The following MED12L variants were observed in gnomAD, a reference collection of about 807,000 sequenced individuals.
MED12L encodes mediator complex subunit 12L.
A neutral mutation model predicts 281.3 loss-of-function variants in MED12L; 60 were observed. The ratio of observed to expected loss-of-function variants is 0.21; its 90% CI spans 0.17 to 0.26. The LOEUF is 0.26. MED12L is among the 10% of genes least tolerant of loss of function. MED12L has a pLI of 1.00. For synonymous variants in MED12L, 974 were observed against 987.2 expected (o/e 0.99, Z 0.25); for missense variants, 2,146 against 2,680.9 (o/e 0.80, Z 4.41).
chr3:151,099,787 G>T (rs1721178317), intron 2 of MED12L, among the ~76,000 whole-genome samples: 2 of 152,138 alleles, frequency 1.3e-5, no homozygotes, highest in Admixed American at 1.3e-4. Context: ...GGTGAGGGAG[G>T]GGAGGAGAGA....
At chr3:151,323,655 A>G (rs1749248734) in intron 16 of MED12L, among the ~76,000 whole-genome samples, 2 of 152,160 alleles carry the variant, frequency 1.3e-5, no homozygotes, top group African/African-American at 4.8e-5. Context: ...TCCATGTGGA[A>G]TGAATTGCCT....
intron 16 of MED12L, among the ~76,000 whole-genome samples, chr3:151,220,830 C>T (rs954827470): frequency 6.6e-6 from 1 of 152,100 alleles, no homozygotes; most frequent in African/African-American, 2.4e-5. Flanking sequence ...AAATTGGTGC[C>T]AGTAGAGTGG....
rs568498781 is a variant in MED12L at position 151,430,343 on chromosome 3, G to A, written c.6453G>A (p.Thr2151=). ...GLQQTQQQQQ[T]AALVRQLQKQ... ...AGCAGACCCAGCAGCAGCAGCAGAC[G>A]GCCGCCTTGGTGCGGCAGCTCCAGA... is the stretch of plus-strand genomic sequence containing the variant. Residue 2151 remains threonine (T), a synonymous_variant, in exon 44 of 45, where the codon ACG becomes ACA. Coordinates refer to ENST00000687756, the MANE Select transcript of MED12L (RefSeq NM_001393769.1). 7.3e-5 allele frequency: 118 copies of A among 1,614,000 alleles called. 1 individual carries two copies. The South Asian group carries it at 1.1e-3, about 15-fold the overall frequency.
chr3:151,158,231 A>T (rs1719537959), intron 6 of MED12L, among the ~76,000 whole-genome samples: 2 of 152,204 alleles, frequency 1.3e-5, no homozygotes, highest in African/African-American at 4.8e-5. Context: ...AGGTGATAGT[A>T]TCTGAAACTA....
intron 5 of MED12L, among the ~76,000 whole-genome samples, chr3:151,145,014 C>A (rs6790661): frequency 0.3 from 45,588 of 151,822 alleles, 8,699 homozygotes; most frequent in African/African-American, 0.54. Context: ...TCTTCTGGGC[C>A]CTCGCTCTGT....
At chr3:151,156,125 T>A in intron 5 of MED12L, 36 bp from the exon 6 acceptor site, 2 of 1,541,078 alleles carry the variant, frequency 1.3e-6, no homozygotes, top group Non-Finnish European at 8.8e-7. Context: ...ACCCATTGTG[T>A]CTAGAAACTC....
At chr3:151,098,769 T>G (rs528443613) in intron 2 of MED12L, among the ~76,000 whole-genome samples, 1 of 152,170 alleles carries the variant, frequency 6.6e-6, no homozygotes, top group African/African-American at 2.4e-5. Context: ...TAGGGGAGTG[T>G]TTTTTGGTCT....
intron 16 of MED12L, among the ~76,000 whole-genome samples, chr3:151,304,225 G>T (rs1348174013): frequency 1.3e-5 from 2 of 152,132 alleles, no homozygotes; most frequent in Admixed American, 1.3e-4. Flanking sequence ...GGGAGGTGGA[G>T]ATAGATAAAG....
chr3:151,389,857 A>T (rs1197596862), intron 37 of MED12L, 122 bp from the exon 38 acceptor site: 2 of 895,110 alleles, frequency 2.2e-6, no homozygotes, highest in Non-Finnish European at 3.4e-6. Flanking sequence ...CTTCTCCTTT[A>T]TAAAAAACAG....
intron 16 of MED12L, chr3:151,198,356 T>TA (rs1553738646): frequency 7.3e-5 from 83 of 1,131,048 alleles, no homozygotes; most frequent in East Asian, 1.2e-4. Context: ...TTTTTTTTTT[T>TA]ATCTTTCAAA....
chr3:151,099,004 C>G (rs940197488), intron 2 of MED12L, among the ~76,000 whole-genome samples: 1 of 151,778 alleles, frequency 6.6e-6, no homozygotes, highest in East Asian at 1.9e-4. Context: ...AGGGAAAACC[C>G]CTTATAAAAC....
intron 16 of MED12L, among the ~76,000 whole-genome samples, chr3:151,237,350 C>CTTTTTTTTTTT (rs57239604): frequency 2.1e-5 from 2 of 94,602 alleles, no homozygotes; most frequent in Non-Finnish European, 3.8e-5. Flanking sequence ...TTTTTTTTTT[C>CTTTTTTTTTTT]TTTTTTTTTT....
intron 16 of MED12L, chr3:151,328,263 A>C (rs1749889873): frequency 6.2e-7 from 1 of 1,614,046 alleles, no homozygotes; most frequent in Admixed American, 1.7e-5. Flanking sequence ...AAACACACAA[A>C]GAAGACAGCC....
intron 16 of MED12L, among the ~76,000 whole-genome samples, chr3:151,313,353 T>C (rs1012056892): frequency 6.6e-6 from 1 of 152,124 alleles, no homozygotes; most frequent in Non-Finnish European, 1.5e-5. Flanking sequence ...ATGGTAAATA[T>C]ACAATAAGTC....
chr3:151,418,022 G>A lies in MED12L; in HGVS notation c.6408+1600G>A, dbSNP rs563374052. Among the ~76,000 whole-genome samples, 46 of 152,200 alleles carry A rather than the reference G, an allele frequency of 3.0e-4. 1 individual carries two copies. The highest frequency in any genetic ancestry group is 8.3e-4 in the South Asian group (4 of 4,826). On this transcript the variant is annotated intron_variant, in intron 43 of 44. Coordinates refer to ENST00000687756, the MANE Select transcript of MED12L (RefSeq NM_001393769.1). ...CACTGTTAGCTGAGTCTAGTGTCCC[G>A]TACAAGAACGAGATACACCTTTTGT... is the stretch of plus-strand genomic sequence containing the variant.
intron 16 of MED12L, among the ~76,000 whole-genome samples, chr3:151,252,477 G>A (rs991882020): frequency 2.6e-5 from 4 of 151,934 alleles, no homozygotes; most frequent in African/African-American, 7.3e-5. Context: ...TGAGAGCCAG[G>A]GCAGTGTCTT....
chr3:151,104,687 G>C (rs1721789024), intron 2 of MED12L, among the ~76,000 whole-genome samples: 1 of 152,158 alleles, frequency 6.6e-6, no homozygotes, highest in African/African-American at 2.4e-5. Flanking sequence ...ACATTTGGTG[G>C]CTTAAAGCAA....
At chr3:151,354,339 A>AT (rs895054783) in intron 17 of MED12L, among the ~76,000 whole-genome samples, 36 of 151,828 alleles carry the variant, frequency 2.4e-4, no homozygotes, top group African/African-American at 5.6e-4. Context: ...AGCAATGCTT[A>AT]TTTTTTTTAA....
chr3:151,228,807 G>A lies in MED12L; in HGVS notation c.2250+35141G>A, dbSNP rs555122859. 2.0e-5 allele frequency among the ~76,000 whole-genome samples: 3 copies of A among 152,308 alleles called. No homozygotes were observed. In the South Asian group the frequency reaches 6.2e-4, roughly 32 times the overall value. ...TTCTTTTTTCTCCTGGAACTAGGTT[G>A]AGCTGCCTGAATTACTGAATTTTTT... On this transcript the variant is annotated intron_variant, in intron 16 of 44. Coordinates refer to ENST00000687756, the MANE Select transcript of MED12L (RefSeq NM_001393769.1).
Sources: allele counts gnomAD v4.1 joint callset (sites outside exome capture counted in the v4.1 genomes callset), GRCh38; gene constraint gnomAD v4.1.1; transcripts MANE v1.5; gene names NCBI Gene and HGNC (gene_info 2026-07-23, HGNC 2026-07-21).